EYS: variants seen among roughly 807,000 people sequenced by gnomAD.
The protein encoded by EYS is protein eyes shut homolog.
Under a neutral mutation model 282.1 loss-of-function variants are expected in EYS, and 250 were observed. That is an observed-to-expected ratio of 0.89 (90% CI 0.80 to 0.98). The LOEUF (loss-of-function observed/expected upper bound fraction) is 0.98, where lower values mean the gene tolerates loss of function less well. Among genes scored for constraint, EYS ranks in the 50% least tolerant of loss-of-function variants. The pLI is 0.00. For missense variants in EYS, 4,016 were observed against 3,709.0 expected (o/e 1.08, Z -2.15); for synonymous variants, 1,355 against 1,282.9 (o/e 1.06, Z -1.20).
chr6:64,417,244 C>T (rs1375223950), intron 28 of EYS, among the ~76,000 whole-genome samples: 1 of 152,064 alleles, frequency 6.6e-6, no homozygotes, highest in Non-Finnish European at 1.5e-5. Flanking sequence ...ATATGTAGTA[C>T]CTTATACTAT....
intron 11 of EYS, among the ~76,000 whole-genome samples, chr6:65,312,917 A>T (rs1173868824): frequency 6.6e-6 from 1 of 151,996 alleles, no homozygotes; most frequent in Non-Finnish European, 1.5e-5. Flanking sequence ...AAGACCTGGG[A>T]TCTTCAGATT....
intron 40 of EYS, among the ~76,000 whole-genome samples, chr6:63,770,203 A>G (rs2149660363): frequency 6.6e-6 from 1 of 152,256 alleles, no homozygotes; most frequent in African/African-American, 2.4e-5. Flanking sequence ...CAAAGTAAAT[A>G]CTATTATTAG....
intron 35 of EYS, among the ~76,000 whole-genome samples, chr6:63,913,750 A>C (rs991299997): frequency 7.2e-5 from 11 of 152,310 alleles, no homozygotes; most frequent in Middle Eastern, 6.8e-3. Flanking sequence ...CTTTGGGTTT[A>C]CACCTTTTAG....
chr6:63,946,622 G>C (rs1213099995), intron 35 of EYS, among the ~76,000 whole-genome samples: 2 of 151,862 alleles, frequency 1.3e-5, no homozygotes, highest in Non-Finnish European at 2.9e-5. Context: ...GTTTACACAA[G>C]GTGTAACTGT....
At position 64,763,646 on chromosome 6, in the gene EYS, C is replaced by T. The variant is rs377154938; in HGVS notation, c.3443+49732G>A. 1.6e-4 allele frequency among the ~76,000 whole-genome samples: 24 copies of T among 152,284 alleles called. No individual in the cohort carries two copies. The East Asian group carries it at 4.1e-3, about 26-fold the overall frequency. On this transcript the variant is annotated intron_variant, in intron 22 of 42. Transcript: ENST00000503581. ...TCAAAATACAATCAAGCCATCCCAA[C>T]AGTCCCCCAATCTTAACTTATTCCA...
At chr6:65,464,548 T>C (rs1268497260) in intron 5 of EYS, among the ~76,000 whole-genome samples, 2 of 152,176 alleles carry the variant, frequency 1.3e-5, no homozygotes, top group Non-Finnish European at 2.9e-5. Context: ...AAATATTTTG[T>C]CTTCTCATCA....
chr6:65,658,848 G>A (rs1208256495), intron 1 of EYS, among the ~76,000 whole-genome samples: 1 of 151,522 alleles, frequency 6.6e-6, no homozygotes, highest in Non-Finnish European at 1.5e-5. Flanking sequence ...ATTGTCTTGG[G>A]ATGGGGATAA....
At chr6:64,262,537 A>G (rs560340493) in intron 30 of EYS, among the ~76,000 whole-genome samples, 2 of 151,728 alleles carry the variant, frequency 1.3e-5, no homozygotes, top group African/African-American at 4.8e-5. Flanking sequence ...TTAAGACTCT[A>G]TTTCTATATC....
chr6:64,593,066 C>T, intron 25 of EYS, 51 bp downstream of exon 25: 2 of 1,336,332 alleles, frequency 1.5e-6, no homozygotes, highest in Non-Finnish European at 2.0e-6. Context: ...GCTTTTACCA[C>T]ACAACTTTTT....
At chr6:64,985,554 T>C (rs1770829632) in intron 14 of EYS, among the ~76,000 whole-genome samples, 1 of 151,542 alleles carries the variant, frequency 6.6e-6, no homozygotes, top group African/African-American at 2.4e-5. Flanking sequence ...AAGTGAGGTC[T>C]AAAAATAAAT....
chr6:65,142,098 GCTA>G (rs1301907431), intron 12 of EYS, among the ~76,000 whole-genome samples: 1 of 151,922 alleles, frequency 6.6e-6, no homozygotes, highest in East Asian at 1.9e-4. Flanking sequence ...GTACATATTT[GCTA>G]CTACCATCTA....
intron 26 of EYS, among the ~76,000 whole-genome samples, chr6:64,555,292 A>G (rs1020195496): frequency 6.6e-6 from 1 of 151,896 alleles, no homozygotes; most frequent in Non-Finnish European, 1.5e-5. Context: ...ACACAGTTTT[A>G]CTTATATTTT....
chr6:64,943,930 T>C (rs934240955), intron 15 of EYS, among the ~76,000 whole-genome samples: 1 of 152,092 alleles, frequency 6.6e-6, no homozygotes, highest in Non-Finnish European at 1.5e-5. Context: ...GATGGAGGCA[T>C]CATGTTACCT....
intron 29 of EYS, among the ~76,000 whole-genome samples, chr6:64,328,882 G>T (rs931400250): frequency 2.6e-4 from 40 of 152,260 alleles, no homozygotes; most frequent in Non-Finnish European, 3.1e-4. Context: ...ACCTAGGCCT[G>T]AGAGAGATCA....
At chr6:64,794,459 C>A (rs1413065129) in intron 22 of EYS, among the ~76,000 whole-genome samples, 1 of 152,004 alleles carries the variant, frequency 6.6e-6, no homozygotes, top group Non-Finnish European at 1.5e-5. Flanking sequence ...GTGTGGAGCA[C>A]CTCCCCCTTC....
intron 13 of EYS, among the ~76,000 whole-genome samples, chr6:65,046,625 T>C (rs552815874): frequency 1.3e-5 from 2 of 151,894 alleles, no homozygotes; most frequent in African/African-American, 4.8e-5. Flanking sequence ...AGGGTAGATA[T>C]TAACTCTAGT....
chr6:64,367,504 G>A (rs939796101), intron 29 of EYS, among the ~76,000 whole-genome samples: 1 of 151,922 alleles, frequency 6.6e-6, no homozygotes, highest in Non-Finnish European at 1.5e-5. Context: ...GGAAAGAGAG[G>A]GAGGATGGAA....
At chr6:65,555,334 G>A (rs1488137874) in intron 2 of EYS, among the ~76,000 whole-genome samples, 3 of 152,054 alleles carry the variant, frequency 2.0e-5, no homozygotes, top group Non-Finnish European at 4.4e-5. Flanking sequence ...TCCTGAAGGT[G>A]TAGTAAGAAA....
intron 31 of EYS, among the ~76,000 whole-genome samples, chr6:64,174,191 C>A (rs1764559498): frequency 6.6e-6 from 1 of 151,824 alleles, no homozygotes; most frequent in Admixed American, 6.6e-5. Context: ...CCAATAAGAG[C>A]AAAGTCTCAT....
Sources: gnomAD v4.1 joint callset for allele counts (sites outside exome capture counted in the v4.1 genomes callset) on GRCh38, gnomAD v4.1.1 for gene constraint, MANE v1.5 for transcripts, NCBI Gene and HGNC (gene_info 2026-07-23, HGNC 2026-07-21) for gene names.